MITD1: variants seen among roughly 807,000 people sequenced by gnomAD.
MITD1 encodes microtubule interacting and trafficking domain containing 1.
Under a neutral mutation model 34.9 loss-of-function variants are expected in MITD1, and 24 were observed. The observed-to-expected ratio is 0.69, with a 90% CI of 0.50 to 0.97. The LOEUF (loss-of-function observed/expected upper bound fraction) is 0.97, where lower values mean the gene tolerates loss of function less well. MITD1 is among the 50% of genes least tolerant of loss of function. The probability of loss-of-function intolerance (pLI) is 0.00; values close to 1 mark genes in which losing one functional copy is unlikely to be tolerated. For synonymous variants in MITD1, 102 were observed against 101.4 expected (o/e 1.01, Z -0.04); for missense variants, 266 against 294.6 (o/e 0.90, Z 0.71).
At chr2:99,162,086 A>C in exon 8 of MITD1, 2 of 1,614,184 alleles carry the variant, frequency 1.2e-6, no homozygotes, top group Non-Finnish European at 1.7e-6. Flanking sequence ...ATGTCTATCA[A>C]AATCTGGCTG....
chr2:99,168,190 G>A (rs368436298), downstream of MITD1, among the ~76,000 whole-genome samples: 146 of 152,240 alleles, frequency 9.6e-4, no homozygotes, highest in African/African-American at 3.4e-3. Context: ...TGCCCAGGCT[G>A]GAGTGCAATG....
exon 8 of MITD1, chr2:99,162,054 A>G: frequency 6.2e-7 from 1 of 1,614,142 alleles, no homozygotes; most frequent in Non-Finnish European, 8.5e-7. Flanking sequence ...AAATGGGCTC[A>G]TTTTACAGTC....
At chr2:99,166,519 C>G (rs2093827793), downstream of MITD1, among the ~76,000 whole-genome samples, 1 of 148,720 alleles carries the variant, frequency 6.7e-6, no homozygotes, top group Non-Finnish European at 1.5e-5. Flanking sequence ...AGAGAACACT[C>G]TTTGAAGAAA....
intron 1 of MITD1, among the ~76,000 whole-genome samples, chr2:99,176,630 C>T (rs2093888601): frequency 2.0e-5 from 3 of 151,956 alleles, no homozygotes; most frequent in Non-Finnish European, 1.5e-5. Context: ...CCTGGCCATT[C>T]GTAAACTTTC....
chr2:99,171,930 T>C (rs2093860581), intron 2 of MITD1: 1 of 342,456 alleles, frequency 2.9e-6, no homozygotes, highest in Admixed American at 4.4e-5. Context: ...CAAGATCCTA[T>C]AGACCAGGCA....
At chr2:99,177,142 A>G (rs2105228235) in intron 1 of MITD1, among the ~76,000 whole-genome samples, 1 of 152,304 alleles carries the variant, frequency 6.6e-6, no homozygotes, top group Non-Finnish European at 1.5e-5. Flanking sequence ...TAAAAGCAAA[A>G]CACAACCTTT....
intron 7 of MITD1, chr2:99,163,101 C>T (rs1256475982): frequency 1.4e-6 from 2 of 1,433,914 alleles, no homozygotes; most frequent in South Asian, 1.5e-5. Context: ...TGTCTTAATA[C>T]AGTTTCAATT....
At position 99,163,094 on chromosome 2, in the gene MITD1, C is replaced by T. The variant is rs367721527; in HGVS notation, c.*4-876G>A. ...GAATAATGTGATTCCAAGTAAATGT[C>T]TTAATACAGTTTCAATTAGAAAATA... On this transcript the variant is annotated intron_variant, in intron 7 of 7. Transcript: ENST00000422537. The T allele has an allele frequency of 4.9e-4, 717 of 1,452,234 alleles. 1 individual carries two copies. The highest frequency in any genetic ancestry group is 6.2e-4 in the Non-Finnish European group (681 of 1,089,852). The allele number at this position is 1,452,234 out of a possible 1,614,324, so 90.0% of individuals were successfully genotyped here. A position where few individuals can be genotyped will look rare whatever the true frequency, so the allele number is the denominator to read the frequency against.
At chr2:99,168,564 G>C (rs1016208341), downstream of MITD1, among the ~76,000 whole-genome samples, 1 of 152,184 alleles carries the variant, frequency 6.6e-6, no homozygotes, top group South Asian at 2.1e-4. Flanking sequence ...AGCTTACCCA[G>C]AACAGTTGAT....
In MITD1 at chr2:99,162,592, T is replaced by G. The variant is rs1553515488; in HGVS notation, c.*4-374A>C. ...GCCACTGCTAGCATACCTTCCTTAG[T>G]GAAAAATCTTTTGGAAAAGGATCCC... On this transcript the variant is annotated intron_variant, in intron 7 of 7. Coordinates refer to the MITD1 transcript ENST00000422537. 6.2e-7 allele frequency: 1 copy of G among 1,614,134 alleles called. No individual in the cohort carries two copies. Among genetic ancestry groups the G allele is most frequent in the Non-Finnish European group, 8.5e-7 (1 of 1,180,028 alleles).
intron 1 of MITD1, among the ~76,000 whole-genome samples, chr2:99,176,737 A>T (rs1297621937): frequency 5.3e-5 from 8 of 152,078 alleles, no homozygotes; most frequent in Non-Finnish European, 1.2e-4. Flanking sequence ...AGTGTATTTT[A>T]CATGTAACCC....
chr2:99,162,232 A>G (rs1474854128), intron 7 of MITD1: 3 of 1,613,974 alleles, frequency 1.9e-6, no homozygotes, highest in East Asian at 4.5e-5. Context: ...ATGAGAGAAG[A>G]AGGTATAAAA....
downstream of MITD1, among the ~76,000 whole-genome samples, chr2:99,165,061 C>CACACATATATAT (rs370053233): frequency 7.4e-6 from 1 of 135,192 alleles, no homozygotes; most frequent in Non-Finnish European, 1.6e-5. Context: ...CACACACACA[C>CACACATATATAT]ATATATATAT....
At chr2:99,180,618 G>C in intron 1 of MITD1, 1 of 510,020 alleles carries the variant, frequency 2.0e-6, no homozygotes, top group Admixed American at 3.5e-5. Context: ...TTAAAATCTA[G>C]ACTAGTAGCC....
chr2:99,168,784 C>CT (rs900951354), downstream of MITD1, among the ~76,000 whole-genome samples: 1 of 151,424 alleles, frequency 6.6e-6, no homozygotes, highest in Non-Finnish European at 1.5e-5. Context: ...CCATCTGTCT[C>CT]TTTTTTTTCT....
chr2:99,163,461 G>A (rs1449815576), intron 7 of MITD1, among the ~76,000 whole-genome samples: 1 of 151,988 alleles, frequency 6.6e-6, no homozygotes, highest in Non-Finnish European at 1.5e-5. Context: ...CCGAGTAGTG[G>A]GACTACAGGG....
rs775322849 is a variant in MITD1 at position 99,162,462 on chromosome 2, A to C, written c.*4-244T>G. 4 of 1,613,950 alleles carry C rather than the reference A, an allele frequency of 2.5e-6. No homozygotes were observed. In the African/African-American group the frequency reaches 4.0e-5, roughly 16 times the overall value. On this transcript the variant is annotated intron_variant, in intron 7 of 7. Coordinates refer to the MITD1 transcript ENST00000422537. ...TAAAATCTCAGGAACAGCTTCTAAG[A>C]TCGGCCGGACTACTGCCTATCACCA... is the stretch of plus-strand genomic sequence containing the variant.
intron 1 of MITD1, among the ~76,000 whole-genome samples, chr2:99,176,757 AT>A (rs2105227591): frequency 6.6e-6 from 1 of 152,058 alleles, no homozygotes; most frequent in East Asian, 1.9e-4. Context: ...CAAGACAATT[AT>A]TTTTCCAATG....
chr2:99,180,841 C>A lies in MITD1; in HGVS notation c.141G>T (p.Gln47His). The A allele has an allele frequency of 6.2e-7, 1 of 1,614,124 alleles. No individual in the cohort carries two copies. Among genetic ancestry groups the A allele is most frequent in the Non-Finnish European group, 8.5e-7 (1 of 1,179,972 alleles). Residue 47 changes from glutamine to histidine, a missense_variant, in exon 1 of 7, where the codon CAG becomes CAT. Transcript: ENST00000289359. ...TGGCTCATTGCTCACCTTTCAGAACCTGCAGGAGCAGATCAATCCCCTCTT... is the reference window on the plus strand; with the variant it reads ...TGGCTCATTGCTCACCTTTCAGAACATGCAGGAGCAGATCAATCCCCTCTT... ...CYQEGIDLLL[Q>H]VLKGTKDNTK...
Sources: gnomAD v4.1 joint callset for allele counts (sites outside exome capture counted in the v4.1 genomes callset) on GRCh38, gnomAD v4.1.1 for gene constraint, MANE v1.5 for transcripts, NCBI Gene and HGNC (gene_info 2026-07-23, HGNC 2026-07-21) for gene names.